The following SATB1 variants were observed in gnomAD, a reference collection of about 807,000 sequenced individuals.
SATB1 encodes the protein SATB homeobox 1, also known as DNA-binding protein SATB1.
Under a neutral mutation model 86.9 loss-of-function variants are expected in SATB1, and 11 were observed. That is an observed-to-expected ratio of 0.13 (90% CI 0.08 to 0.21). The LOEUF (loss-of-function observed/expected upper bound fraction) is 0.21, where lower values mean the gene tolerates loss of function less well. SATB1 is among the 10% of genes least tolerant of loss of function. The pLI, the probability that SATB1 is intolerant of heterozygous loss-of-function variation, is 1.00. For missense variants in SATB1, 551 were observed against 937.6 expected (o/e 0.59, Z 5.39); for synonymous variants, 357 against 357.2 (o/e 1.00, Z 0.01).
In SATB1 at chr3:18,347,490, T is replaced by TG. The variant is rs971789280; in HGVS notation, c.*1679dup. ...ATTAACTTATTCCACTTATAACTTGTGAAAAAAAAAAGCTAAGGGGTTTTT... is the reference window on the plus strand; with the variant it reads ...ATTAACTTATTCCACTTATAACTTGTGGAAAAAAAAAAGCTAAGGGGTTTTT... On this transcript the variant is annotated 3_prime_UTR_variant, in exon 11 of 11. Coordinates refer to ENST00000338745, the MANE Select transcript of SATB1 (RefSeq NM_002971.6). The TG allele has an allele frequency of 1.6e-4, 24 of 147,770 alleles. No individual in the cohort carries two copies. The highest frequency in any genetic ancestry group is 5.9e-5 in the Non-Finnish European group (4 of 67,632). The allele number at this position is 147,770 out of a possible 1,614,324, so 9.2% of individuals were successfully genotyped here. A position where few individuals can be genotyped will look rare whatever the true frequency, so the allele number is the denominator to read the frequency against.
upstream of SATB1, among the ~76,000 whole-genome samples, chr3:18,428,321 T>A (rs1205977755): frequency 1.3e-5 from 2 of 152,088 alleles, no homozygotes; most frequent in African/African-American, 4.8e-5. Context: ...TGATAACCCA[T>A]TAATCCATTA....
At chr3:18,419,209 C>T (rs1698263549) in intron 2 of SATB1, among the ~76,000 whole-genome samples, 1 of 152,220 alleles carries the variant, frequency 6.6e-6, no homozygotes, top group East Asian at 1.9e-4. Context: ...CAAACTGTTG[C>T]GGTTACCCTC....
chr3:18,439,641 TG>T (rs1347483491), upstream of SATB1, among the ~76,000 whole-genome samples: 1 of 152,162 alleles, frequency 6.6e-6, no homozygotes, highest in East Asian at 1.9e-4. Context: ...GTAACAGATT[TG>T]ATTTATATGT....
Position 18,415,987 on chromosome 3 carries a change from G to A in SATB1, c.515+20C>T, listed in dbSNP as rs375275830. 2.6e-6 allele frequency: 4 copies of A among 1,560,340 alleles called. No homozygotes were observed. The highest frequency in any genetic ancestry group is 2.6e-6 in the Non-Finnish European group (3 of 1,147,136). On this transcript the variant is annotated intron_variant, in intron 4 of 10. Coordinates refer to ENST00000338745, the MANE Select transcript of SATB1 (RefSeq NM_002971.6). ...CAGGTAAGAAGAATGTTTCACCCTAGATTTGCTGTCTTGACTCACCTGTGT... is the reference window on the plus strand; with the variant it reads ...CAGGTAAGAAGAATGTTTCACCCTAAATTTGCTGTCTTGACTCACCTGTGT...
At chr3:18,421,941 T>C (rs1002654781) in intron 1 of SATB1, among the ~76,000 whole-genome samples, 6 of 152,072 alleles carry the variant, frequency 3.9e-5, no homozygotes, top group East Asian at 1.9e-4. Context: ...GCATTAACAT[T>C]GTAATTAACT....
At chr3:18,407,931 A>T (rs1042828208) in intron 5 of SATB1, among the ~76,000 whole-genome samples, 14 of 152,012 alleles carry the variant, frequency 9.2e-5, no homozygotes, top group African/African-American at 3.4e-4. Context: ...ACTTCCTTGG[A>T]ACAAATAGTA....
Position 18,444,686 on chromosome 3 carries a change from G to C in SATB1, c.-25+832C>G, listed in dbSNP as rs1295129182. 2.0e-6 allele frequency: 2 copies of C among 983,384 alleles called. No homozygotes were observed. Among genetic ancestry groups the C allele is most frequent in the African/African-American group, 1.8e-5 (1 of 56,846 alleles). The allele number at this position is 983,384 out of a possible 1,614,324, so 60.9% of individuals were successfully genotyped here. On this transcript the variant is annotated intron_variant, in intron 1 of 3. Transcript: ENST00000415069. This position sits in a 1 kb window ranked among gnomAD's most constrained non-coding sequence, Gnocchi z 5.1. ...GAACGGCTCCCCGGGCGGGCGCGCCGGCGTCGGACTTCCGAGGCGGCGGCT... is the reference window on the plus strand; with the variant it reads ...GAACGGCTCCCCGGGCGGGCGCGCCCGCGTCGGACTTCCGAGGCGGCGGCT...
chr3:18,413,496 T>C (rs765669516), intron 5 of SATB1, among the ~76,000 whole-genome samples: 2 of 152,108 alleles, frequency 1.3e-5, no homozygotes, highest in African/African-American at 4.8e-5. Flanking sequence ...AAAAGTTTAT[T>C]TCTAGATCAT....
In SATB1 at chr3:18,386,693, T is replaced by G. The variant is rs561351269; in HGVS notation, c.1207-82A>C. On this transcript the variant is annotated intron_variant, in intron 7 of 10. Coordinates refer to ENST00000338745, the MANE Select transcript of SATB1 (RefSeq NM_002971.6). This position sits in a 1 kb window ranked among gnomAD's most constrained non-coding sequence, Gnocchi z 4.5. ...GTGATCCTTCCCTTTTCTTCTCCACTCTGTTTAGAAAATGAACAGTCAGAG... is the reference window on the plus strand; with the variant it reads ...GTGATCCTTCCCTTTTCTTCTCCACGCTGTTTAGAAAATGAACAGTCAGAG... 1.1e-4 allele frequency: 123 copies of G among 1,121,920 alleles called. No homozygotes were observed. In the African/African-American group the frequency reaches 1.5e-3, roughly 14 times the overall value. The allele number at this position is 1,121,920 out of a possible 1,614,324, so 69.5% of individuals were successfully genotyped here. A position where few individuals can be genotyped will look rare whatever the true frequency, so the allele number is the denominator to read the frequency against.
At chr3:18,391,930 C>T (rs930783642) in intron 7 of SATB1, among the ~76,000 whole-genome samples, 4 of 152,028 alleles carry the variant, frequency 2.6e-5, no homozygotes, top group Admixed American at 6.5e-5. Context: ...TAAATTCATG[C>T]CTGCATGTGC....
chr3:18,379,852 A>T, intron 8 of SATB1, among the ~76,000 whole-genome samples: 1 of 152,192 alleles, frequency 6.6e-6, no homozygotes, highest in East Asian at 1.9e-4. Flanking sequence ...ACAGGTGACC[A>T]AAGGTGGGGC....
intron 8 of SATB1, among the ~76,000 whole-genome samples, chr3:18,384,564 T>C (rs762074724): frequency 3.9e-5 from 6 of 152,084 alleles, no homozygotes; most frequent in Non-Finnish European, 5.9e-5. Flanking sequence ...AGTAATTCTC[T>C]GCTCAGAGCC....
chr3:18,408,679 G>GT (rs11300289), intron 5 of SATB1: 182 of 144,900 alleles, frequency 1.3e-3, no homozygotes, highest in African/African-American at 3.1e-3. Flanking sequence ...TGATTATCAG[G>GT]TTTTTTTTTT....
chr3:18,397,191 T>G lies in SATB1; in HGVS notation c.739A>C (p.Lys247Gln). Reference sequence around the variant, plus strand: ...TTTTTTTGCTTACCCATCATATCTTTTGTCTTCTTGAAATGTTTGTACCAC... The same window carrying G: ...TTTTTTTGCTTACCCATCATATCTTGTGTCTTCTTGAAATGTTTGTACCAC... The part of the protein sequence containing the change: ...GRWYKHFKKT[K>Q]DMMVEMDSLS... Residue 247 changes from lysine to glutamine, a missense_variant, in exon 6 of 11, where the codon AAA becomes CAA. This residue lies in a region of SATB1 where 119 missense variants were observed against 171.1 expected (regional missense o/e 0.70). Transcript: ENST00000338745. 6.3e-7 allele frequency: 1 copy of G among 1,594,734 alleles called. No homozygotes were observed. The highest frequency in any genetic ancestry group is 1.1e-5 in the South Asian group (1 of 90,692).
At position 18,420,633 on chromosome 3, in the gene SATB1, C is replaced by T. The variant is rs2125170497; in HGVS notation, c.211+124G>A. The T allele has an allele frequency of 2.2e-5, 17 of 757,516 alleles. No homozygotes were observed. The South Asian group carries it at 2.5e-4, about 11-fold the overall frequency. The allele number at this position is 757,516 out of a possible 1,614,324, so 46.9% of individuals were successfully genotyped here. ...AAGGACCCAGAATGTAACTAATGTA[C>T]GATCATAAGGAGAATAAAGGCAGAG... On this transcript the variant is annotated intron_variant, in intron 2 of 10. Coordinates refer to ENST00000338745, the MANE Select transcript of SATB1 (RefSeq NM_002971.6).
At chr3:18,375,769 T>C (rs147852378) in intron 9 of SATB1, among the ~76,000 whole-genome samples, 125 of 152,318 alleles carry the variant, frequency 8.2e-4, no homozygotes, top group African/African-American at 2.8e-3. Context: ...TCAATCTTTC[T>C]ACATGTTTTC....
intron 9 of SATB1, among the ~76,000 whole-genome samples, chr3:18,362,860 C>CAAAAA (rs35470564): frequency 0.031 from 967 of 31,494 alleles, 39 homozygotes; most frequent in Non-Finnish European, 0.041. Context: ...ATGCCATGTG[C>CAAAAA]AAAAAAAAAA....
intron 3 of SATB1, 37 bp downstream of exon 3, chr3:18,416,865 T>G: frequency 7.1e-6 from 11 of 1,548,404 alleles, no homozygotes; most frequent in Non-Finnish European, 9.6e-6. Context: ...CAAAGAATGC[T>G]AAGCAATTTT....
chr3:18,345,591 T>A lies in SATB1; in HGVS notation c.*3579A>T, dbSNP rs954830240. On this transcript the variant is annotated 3_prime_UTR_variant, in exon 11 of 11. Coordinates refer to ENST00000338745, the MANE Select transcript of SATB1 (RefSeq NM_002971.6). ...TAAAAGGATTGCCTCAGAAGAAACA[T>A]TGAATTCATAAGCCCTCTTAAAAAG... is the stretch of plus-strand genomic sequence containing the variant. The A allele has an allele frequency of 6.6e-6, 1 of 152,070 alleles. No homozygotes were observed. The highest frequency in any genetic ancestry group is 2.4e-5 in the African/African-American group (1 of 41,440). The allele number at this position is 152,070 out of a possible 1,614,324, so 9.4% of individuals were successfully genotyped here. A position where few individuals can be genotyped will look rare whatever the true frequency, so the allele number is the denominator to read the frequency against.
Sources: gnomAD v4.1 joint callset for allele counts (sites outside exome capture counted in the v4.1 genomes callset) on GRCh38, gnomAD v4.1.1 for gene constraint, gnomAD v4.1.1 regional missense constraint, Gnocchi (gnomAD v3.1) non-coding constraint, MANE v1.5 for transcripts, NCBI Gene and HGNC (gene_info 2026-07-23, HGNC 2026-07-21) for gene names.